Variants in FGD6 observed in about 807,000 individuals in gnomAD.
FGD6 encodes FYVE, RhoGEF and PH domain-containing protein 6.
FGD6 carries 90 observed loss-of-function variants against 149.4 expected under a neutral mutation model. That is an observed-to-expected ratio of 0.60 (90% CI 0.51 to 0.72). FGD6 has a LOEUF of 0.72. Among genes scored for constraint, FGD6 ranks in the 30% least tolerant of loss-of-function variants. The pLI is 0.00. For missense variants in FGD6, 1,437 were observed against 1,684.8 expected (o/e 0.85, Z 2.57); for synonymous variants, 527 against 584.0 (o/e 0.90, Z 1.41).
At chr12:95,103,872 G>T (rs1479437805) in intron 14 of FGD6, among the ~76,000 whole-genome samples, 2 of 152,114 alleles carry the variant, frequency 1.3e-5, no homozygotes, top group East Asian at 3.9e-4. Context: ...ACTTCGATTT[G>T]CATCCTGGCT....
At chr12:95,158,436 A>G (rs1422872486) in intron 3 of FGD6, among the ~76,000 whole-genome samples, 3 of 151,732 alleles carry the variant, frequency 2.0e-5, no homozygotes, top group Non-Finnish European at 4.4e-5. Flanking sequence ...CAGCCTCCCA[A>G]AGTGCTGGGA....
At position 95,207,790 on chromosome 12, in the gene FGD6, A is replaced by G. The variant is rs184483937; in HGVS notation, c.2441+1053T>C. The stretch of plus-strand genomic sequence containing the variant: ...CATTAAGACAGCCTGAGATGAAAGG[A>G]TATCACAGCATAACTGGGTGGTCAG... On this transcript the variant is annotated intron_variant, in intron 2 of 20. Transcript: ENST00000343958. Among the ~76,000 whole-genome samples the G allele has an allele frequency of 5.8e-3, 879 of 152,354 alleles. 4 individuals are homozygous for G. Among genetic ancestry groups the G allele is most frequent in the Non-Finnish European group, 9.6e-3 (655 of 68,042 alleles).
At chr12:95,166,740 C>T (rs911424479) in intron 3 of FGD6, among the ~76,000 whole-genome samples, 1 of 151,950 alleles carries the variant, frequency 6.6e-6, no homozygotes, top group Non-Finnish European at 1.5e-5. Context: ...AAACTCCATG[C>T]CCATTATCAG....
At chr12:95,160,808 G>A (rs1287237397) in intron 3 of FGD6, among the ~76,000 whole-genome samples, 1 of 152,100 alleles carries the variant, frequency 6.6e-6, no homozygotes, top group Non-Finnish European at 1.5e-5. Flanking sequence ...AGGTTGCTGT[G>A]AGCCAAGATC....
At chr12:95,138,205 AAAATAAATAAAT>A (rs35510034) in intron 6 of FGD6, among the ~76,000 whole-genome samples, 49 of 136,048 alleles carry the variant, frequency 3.6e-4, no homozygotes, top group South Asian at 4.8e-4. Flanking sequence ...TTCTGTCTCA[AAAATAAATAAAT>A]AAATAAATAA....
rs756797701 is a variant in FGD6, at chr12:95,210,895, T to G, written c.389A>C (p.Gln130Pro). ...LGHRENLCVK[Q>P]LVLEPLEMNE... is the part of the protein sequence containing the mutation. ...CATTTCCAGGGGCTCTAAAACAAGC[T>G]GCTTTACACACAAATTCTCTCTATG... Residue 130 changes from glutamine (Q) to proline (P), a missense_variant, in exon 2 of 21, where the codon CAG becomes CCG. Gln to Pro is a moderately conservative substitution (Grantham distance 76). Transcript: ENST00000343958. The G allele has an allele frequency of 1.9e-6, 3 of 1,613,040 alleles. No homozygotes were observed. The Admixed American group carries it at 5.0e-5, about 27-fold the overall frequency.
intron 3 of FGD6, among the ~76,000 whole-genome samples, chr12:95,170,598 C>A (rs915205757): frequency 1.3e-5 from 2 of 152,086 alleles, no homozygotes; most frequent in African/African-American, 4.8e-5. Context: ...GCCGAGATCG[C>A]GCCATTGTAC....
At position 95,133,774 on chromosome 12, in the gene FGD6, CTA is replaced by C. The variant is rs566991561; in HGVS notation, c.3082+963_3082+964del. Among the ~76,000 whole-genome samples the C allele has an allele frequency of 4.6e-5, 7 of 152,166 alleles. No individual in the cohort carries two copies. In the South Asian group the frequency reaches 1.5e-3, roughly 32 times the overall value. On this transcript the variant is annotated intron_variant, in intron 8 of 20. Coordinates refer to ENST00000343958, the MANE Select transcript of FGD6 (RefSeq NM_018351.4). ...GACCCTAGTAGTAGGTGTTGGGTAA[CTA>C]TGTTTGGTACTGAGACTACACTAGC...
intron 8 of FGD6, among the ~76,000 whole-genome samples, chr12:95,130,968 G>A (rs1262868851): frequency 6.6e-6 from 1 of 152,118 alleles, no homozygotes; most frequent in African/African-American, 2.4e-5. Context: ...AGGAACATAG[G>A]TGCTTCAATT....
chr12:95,142,158 T>TC (rs1271587731), intron 5 of FGD6, among the ~76,000 whole-genome samples: 1 of 151,154 alleles, frequency 6.6e-6, no homozygotes, highest in Non-Finnish European at 1.5e-5. Flanking sequence ...TTTTTTTTTT[T>TC]TGAGATGGAG....
chr12:95,082,040 G>A lies in FGD6; in HGVS notation c.4257-484C>T, dbSNP rs147336362. Among the ~76,000 whole-genome samples, 1,085 of 152,096 alleles carry A rather than the reference G, an allele frequency of 7.1e-3. 12 individuals are homozygous for A. The highest frequency in any genetic ancestry group is 0.023 in the African/African-American group (969 of 41,486). The stretch of plus-strand genomic sequence containing the variant: ...GAACTACCCTTTATTTGGTAATTTG[G>A]TCCAAAATTTAGCCTGGAAAGTGTG... On this transcript the variant is annotated intron_variant, in intron 20 of 20. Transcript: ENST00000343958.
intron 2 of FGD6, among the ~76,000 whole-genome samples, chr12:95,192,872 T>C (rs1287644572): frequency 6.6e-6 from 1 of 152,190 alleles, no homozygotes; most frequent in Non-Finnish European, 1.5e-5. Context: ...TTTTGGAATG[T>C]AGAATGTGGT....
intron 19 of FGD6, chr12:95,085,469 G>T (rs1361974301): frequency 6.2e-6 from 2 of 323,132 alleles, no homozygotes; most frequent in Middle Eastern, 8.5e-4. Flanking sequence ...CTCCCAAAGT[G>T]CTGGGATTAC....
intron 2 of FGD6, among the ~76,000 whole-genome samples, chr12:95,201,955 TACAC>T (rs71078621): frequency 0.018 from 2,654 of 146,500 alleles, 54 homozygotes; most frequent in East Asian, 0.12. Context: ...CAGGACAGAA[TACAC>T]ACACACACAC....
intron 16 of FGD6, among the ~76,000 whole-genome samples, chr12:95,092,349 T>C (rs1386568975): frequency 6.6e-6 from 1 of 152,198 alleles, no homozygotes; most frequent in African/African-American, 2.4e-5. Flanking sequence ...ACATTCCCCG[T>C]ACTGAATACT....
At position 95,092,807 on chromosome 12, in the gene FGD6, T is replaced by A. The variant is rs755221824; in HGVS notation, c.3639A>T (p.Gly1213=). Residue 1213 remains glycine, a synonymous_variant, in exon 16 of 21, where the codon GGA becomes GGT. Coordinates refer to ENST00000343958, the MANE Select transcript of FGD6 (RefSeq NM_018351.4). The stretch of plus-strand genomic sequence containing the variant: ...CAGGAATCCAGATGGGAGCCTTCGA[T>A]CCAAGAGGACTAACTTCTTCTTTAT... The part of the protein sequence containing the change: ...SENKEEVSPL[G]SKAPIWIPDT... 6.2e-7 allele frequency: 1 copy of A among 1,613,914 alleles called. No individual in the cohort carries two copies. The highest frequency in any genetic ancestry group is 1.1e-5 in the South Asian group (1 of 91,002).
chr12:95,199,825 G>A (rs576309172), intron 2 of FGD6, among the ~76,000 whole-genome samples: 2 of 151,938 alleles, frequency 1.3e-5, no homozygotes, highest in Non-Finnish European at 1.5e-5. Context: ...GGCTAGTCTC[G>A]AACTCCTGAT....
chr12:95,179,671 G>A (rs1881224412), intron 2 of FGD6, among the ~76,000 whole-genome samples: 1 of 151,850 alleles, frequency 6.6e-6, no homozygotes, highest in Non-Finnish European at 1.5e-5. Flanking sequence ...TATGTAATTG[G>A]CTTTAAAGTC....
intron 2 of FGD6, among the ~76,000 whole-genome samples, chr12:95,205,334 A>G (rs2056687603): frequency 6.6e-6 from 1 of 152,186 alleles, no homozygotes; most frequent in Non-Finnish European, 1.5e-5. Flanking sequence ...GAATAAGACC[A>G]TATGGGCTAC....
Sources: allele counts gnomAD v4.1 joint callset (sites outside exome capture counted in the v4.1 genomes callset), GRCh38; gene constraint gnomAD v4.1.1; transcripts MANE v1.5; gene names NCBI Gene and HGNC (gene_info 2026-07-23, HGNC 2026-07-21).